NUP153: variants seen among roughly 807,000 people sequenced by gnomAD.
NUP153 encodes the protein nuclear pore complex protein Nup153.
A neutral mutation model predicts 134.6 loss-of-function variants in NUP153; 27 were observed. The observed-to-expected ratio is 0.20, with a 90% CI of 0.15 to 0.28. The LOEUF (loss-of-function observed/expected upper bound fraction) is 0.28. Ranked by LOEUF, NUP153 falls within the 10% of genes least tolerant of loss-of-function variation. The probability of loss-of-function intolerance (pLI) is 1.00; values close to 1 mark genes in which losing one functional copy is unlikely to be tolerated. For missense variants in NUP153, 1,821 were observed against 1,731.3 expected, an observed-to-expected ratio of 1.05 and a Z score of -0.92; for synonymous variants, 640 against 623.5, an observed-to-expected ratio of 1.03 and a Z score of -0.40.
chr6:17,656,210 T>C (rs535750175), intron 11 of NUP153, among the ~76,000 whole-genome samples: 8 of 152,176 alleles, frequency 5.3e-5, no homozygotes, highest in South Asian at 2.1e-4. Flanking sequence ...GACAAATAAA[T>C]AAACAAACAA....
intron 1 of NUP153, among the ~76,000 whole-genome samples, chr6:17,692,180 T>C (rs1769320912): frequency 6.6e-6 from 1 of 152,188 alleles, no homozygotes; most frequent in South Asian, 2.1e-4. Flanking sequence ...CTGGTCAAAG[T>C]GGATATAATA....
At chr6:17,657,955 G>A (rs1766939061) in intron 11 of NUP153, among the ~76,000 whole-genome samples, 1 of 152,170 alleles carries the variant, frequency 6.6e-6, no homozygotes, top group Non-Finnish European at 1.5e-5. Context: ...TTTAGACTGT[G>A]GAAATGATGT....
chr6:17,629,015 G>A lies in NUP153; in HGVS notation c.3184C>T (p.Pro1062Ser), dbSNP rs1473732102. The A allele has an allele frequency of 5.0e-6, 8 of 1,613,998 alleles. No homozygotes were observed. The highest frequency in any genetic ancestry group is 6.8e-6 in the Non-Finnish European group (8 of 1,180,028). Residue 1062 changes from proline to serine, a missense_variant, in exon 18 of 22, where the codon CCT (proline) becomes TCT (serine). Transcript: ENST00000262077. ...GCTTCTGATGTCTTACATGTGAAAG[G>A]AGCCACTGAAGCACTCTTGGTTTCT... ...TIETKSASVA[P>S]FTCKTSEAKK... is the part of the protein sequence containing the mutation.
chr6:17,676,690 C>CA (rs891992841), intron 2 of NUP153, among the ~76,000 whole-genome samples: 36 of 150,780 alleles, frequency 2.4e-4, no homozygotes, highest in Middle Eastern at 3.4e-3. Flanking sequence ...GAAAACAGCA[C>CA]AAAAAAAAAC....
At chr6:17,657,386 AAAAAAATAAAAAAAT>A (rs1766882421) in intron 11 of NUP153, among the ~76,000 whole-genome samples, 1 of 87,074 alleles carries the variant, frequency 1.1e-5, no homozygotes, top group Non-Finnish European at 2.9e-5. Flanking sequence ...CTACTAAAAT[AAAAAAATAAAAAAAT>A]AAAAAAAAAA....
intron 1 of NUP153, among the ~76,000 whole-genome samples, chr6:17,695,292 T>C (rs1561911548): frequency 6.6e-6 from 1 of 152,210 alleles, no homozygotes; most frequent in Non-Finnish European, 1.5e-5. Context: ...GTGTAGCCTA[T>C]GAGCTCATTA....
Position 17,632,846 on chromosome 6 carries a change from T to TTAA in NUP153, c.2465-3_2465-2insTTA. On this transcript the variant is annotated splice_polypyrimidine_tract_variant and splice_region_variant and intron_variant, in intron 16 of 21. Coordinates refer to ENST00000262077, the MANE Select transcript of NUP153 (RefSeq NM_005124.4). ...TACTTGAAGCAGGTACTGAACTTCC[T>TTAA]AAAAAAAAAAAAAAAAACGGGGAGT... The TTAA allele has an allele frequency of 3.5e-6, 3 of 864,578 alleles. No homozygotes were observed. Among genetic ancestry groups the TTAA allele is most frequent in the Non-Finnish European group, 4.6e-6 (3 of 648,392 alleles). 53.6% of individuals were successfully genotyped at this position (864,578 alleles called of 1,614,324 possible).
intron 1 of NUP153, among the ~76,000 whole-genome samples, chr6:17,696,524 G>A (rs968968411): frequency 6.6e-6 from 1 of 152,192 alleles, no homozygotes. Context: ...GAGAGGCCGA[G>A]GCGGGTGGAT....
chr6:17,674,499 T>C (rs982299440), intron 5 of NUP153, among the ~76,000 whole-genome samples: 3 of 152,202 alleles, frequency 2.0e-5, no homozygotes, highest in African/African-American at 7.2e-5. Context: ...CCGGGTGCAG[T>C]GGCTCACGCC....
intron 11 of NUP153, among the ~76,000 whole-genome samples, chr6:17,651,602 T>C (rs1014709530): frequency 1.3e-5 from 2 of 152,136 alleles, no homozygotes; most frequent in Admixed American, 6.5e-5. Flanking sequence ...GAAAAAGATA[T>C]GCCCTGAAAC....
chr6:17,654,624 T>C (rs886938191), intron 11 of NUP153, among the ~76,000 whole-genome samples: 4 of 152,132 alleles, frequency 2.6e-5, no homozygotes, highest in African/African-American at 7.2e-5. Context: ...CCAGCTGACC[T>C]TGAACCAATT....
At chr6:17,674,632 T>C (rs1459415769) in intron 5 of NUP153, among the ~76,000 whole-genome samples, 2 of 152,000 alleles carry the variant, frequency 1.3e-5, no homozygotes, top group Non-Finnish European at 1.5e-5. Context: ...TAGCTGGGCG[T>C]GGTGGCATGT....
At chr6:17,623,291 A>G (rs984704989) in intron 20 of NUP153, among the ~76,000 whole-genome samples, 1 of 150,888 alleles carries the variant, frequency 6.6e-6, no homozygotes, top group Non-Finnish European at 1.5e-5. Flanking sequence ...CTGACAAAGT[A>G]CCAATATCCA....
chr6:17,664,158 C>T (rs1026556779), intron 9 of NUP153, among the ~76,000 whole-genome samples: 2 of 151,896 alleles, frequency 1.3e-5, no homozygotes, highest in Admixed American at 6.6e-5. Context: ...CATACTACGA[C>T]GTGAATGAAC....
chr6:17,679,976 A>G (rs1012274556), intron 2 of NUP153, among the ~76,000 whole-genome samples: 5 of 152,166 alleles, frequency 3.3e-5, no homozygotes, highest in African/African-American at 1.2e-4. Flanking sequence ...GCAACCAGAT[A>G]TGCTGCCTTG....
At chr6:17,691,674 A>T (rs1464185450) in intron 1 of NUP153, among the ~76,000 whole-genome samples, 1 of 152,188 alleles carries the variant, frequency 6.6e-6, no homozygotes, top group Non-Finnish European at 1.5e-5. Context: ...CTGAGGCAGG[A>T]GAATCGCTTG....
intron 16 of NUP153, among the ~76,000 whole-genome samples, chr6:17,635,687 C>T (rs1039239472): frequency 1.3e-5 from 2 of 152,226 alleles, no homozygotes; most frequent in Non-Finnish European, 2.9e-5. Flanking sequence ...GCGTGAGCCA[C>T]AGTGTCTGGC....
In NUP153 at chr6:17,662,083, TACAC is replaced by T. The variant is rs1280694483; in HGVS notation, c.1216-17_1216-14del. On this transcript the variant is annotated splice_polypyrimidine_tract_variant and intron_variant, in intron 9 of 21. Transcript: ENST00000262077. ...TTTCATATCCAGTCTGCAGGGGAAATACACACATATTTACGTTTGCTTATTTGTT... is the reference window on the plus strand; with the variant it reads ...TTTCATATCCAGTCTGCAGGGGAAATACATATTTACGTTTGCTTATTTGTT... 6.2e-7 allele frequency: 1 copy of T among 1,609,464 alleles called. No homozygotes were observed. The highest frequency in any genetic ancestry group is 8.5e-7 in the Non-Finnish European group (1 of 1,177,934).
intron 20 of NUP153, among the ~76,000 whole-genome samples, chr6:17,618,203 C>T (rs936436795): frequency 1.3e-5 from 2 of 152,032 alleles, no homozygotes; most frequent in South Asian, 4.1e-4. Flanking sequence ...GCTAGATAAA[C>T]CAGATAAATC....
Sources: allele counts gnomAD v4.1 joint callset (sites outside exome capture counted in the v4.1 genomes callset), GRCh38; gene constraint gnomAD v4.1.1; transcripts MANE v1.5; gene names NCBI Gene and HGNC (gene_info 2026-07-23, HGNC 2026-07-21).